MTSS1: variants seen among roughly 807,000 people sequenced by gnomAD.
The protein encoded by MTSS1 is protein MTSS 1.
A neutral mutation model predicts 79.0 loss-of-function variants in MTSS1; 18 were observed. The observed-to-expected ratio is 0.23, with a 90% CI of 0.16 to 0.34. MTSS1 has a LOEUF of 0.34. Among genes scored for constraint, MTSS1 ranks in the 10% least tolerant of loss-of-function variants. The pLI is 1.00. For missense variants in MTSS1, 815 were observed against 986.2 expected (o/e 0.83, Z 2.33); for synonymous variants, 341 against 368.6 (o/e 0.93, Z 0.86).
intron 3 of MTSS1, among the ~76,000 whole-genome samples, chr8:124,625,952 G>C (rs2133681966): frequency 6.6e-6 from 1 of 152,286 alleles, no homozygotes; most frequent in East Asian, 1.9e-4. Context: ...CAAATTTTCT[G>C]TAGGCTGTGA....
At chr8:124,725,555 C>T (rs531783350) in intron 1 of MTSS1, among the ~76,000 whole-genome samples, 5 of 152,198 alleles carry the variant, frequency 3.3e-5, no homozygotes, top group East Asian at 3.9e-4. Context: ...TTACGCTTTT[C>T]CCTCAGAGCA....
intron 3 of MTSS1, among the ~76,000 whole-genome samples, chr8:124,698,325 A>G (rs1330443189): frequency 1.3e-5 from 2 of 152,074 alleles, no homozygotes; most frequent in African/African-American, 4.8e-5. Flanking sequence ...CAAATTTTCC[A>G]ATGTCACCAC....
At chr8:124,705,088 C>T (rs1333596298) in intron 1 of MTSS1, among the ~76,000 whole-genome samples, 4 of 152,174 alleles carry the variant, frequency 2.6e-5, no homozygotes, top group Admixed American at 2.6e-4. Flanking sequence ...TAAGATCACA[C>T]AGCCCACCAA....
At chr8:124,725,260 G>C (rs1011913161) in intron 1 of MTSS1, among the ~76,000 whole-genome samples, 1 of 152,182 alleles carries the variant, frequency 6.6e-6, no homozygotes, top group Non-Finnish European at 1.5e-5. Context: ...AGCATCTTTA[G>C]AGGAAAGCAC....
intron 3 of MTSS1, among the ~76,000 whole-genome samples, chr8:124,672,421 G>C (rs560894830): frequency 6.6e-6 from 1 of 151,748 alleles, no homozygotes. Flanking sequence ...TTGAACCCGG[G>C]AGATGGAGGT....
chr8:124,632,298 A>AAAAAG (rs1563900752), intron 3 of MTSS1, among the ~76,000 whole-genome samples: 1 of 149,272 alleles, frequency 6.7e-6, no homozygotes, highest in Non-Finnish European at 1.5e-5. Flanking sequence ...AAAAAAAAAA[A>AAAAAG]GGTAAGGAAC....
chr8:124,577,533 G>A lies in MTSS1; in HGVS notation c.460+7554C>T, dbSNP rs552648156. Reference sequence around the variant, plus strand: ...ATTACAGGCATGAGCCACTGTGCCCGGCCTTGGAGGAGATTTCTGAGTTAA... The same window carrying A: ...ATTACAGGCATGAGCCACTGTGCCCAGCCTTGGAGGAGATTTCTGAGTTAA... On this transcript the variant is annotated intron_variant, in intron 6 of 13. Coordinates refer to ENST00000518547, the MANE Select transcript of MTSS1 (RefSeq NM_014751.6). The A allele has an allele frequency of 1.2e-4, 63 of 516,448 alleles. No homozygotes were observed. In the East Asian group the frequency reaches 2.2e-3, roughly 18 times the overall value. The allele number at this position is 516,448 out of a possible 1,614,324, so 32.0% of individuals were successfully genotyped here.
intron 3 of MTSS1, among the ~76,000 whole-genome samples, chr8:124,670,296 G>A (rs1261935433): frequency 1.3e-5 from 2 of 152,118 alleles, no homozygotes; most frequent in East Asian, 1.9e-4. Flanking sequence ...GTGATCCTGG[G>A]ATGGAAAGGA....
At position 124,553,351 on chromosome 8, in the gene MTSS1, G is replaced by T; in HGVS notation, c.1909C>A (p.Pro637Thr). The change falls in exon 14 of 14, where the codon CCA (proline) becomes ACA (threonine). Residue 637 changes from proline to threonine, a missense_variant. Pro to Thr is a conservative substitution (Grantham distance 38, BLOSUM62 -1). Coordinates refer to ENST00000518547, the MANE Select transcript of MTSS1 (RefSeq NM_014751.6). This position sits in a 1 kb window ranked among gnomAD's most constrained non-coding sequence, Gnocchi z 6.0. ...PGVLPAPPDGPEERGEHSPES... is the reference protein window; with the variant it reads ...PGVLPAPPDGTEERGEHSPES... ...GGGCTGTGCTCCCCCCGCTCTTCTG[G>T]CCCATCTGGAGGGGCTGGCAACACC... The T allele has an allele frequency of 2.5e-6, 4 of 1,612,948 alleles. No homozygotes were observed. The highest frequency in any genetic ancestry group is 3.4e-6 in the Non-Finnish European group (4 of 1,179,048).
At chr8:124,602,207 A>ATATATATATATATATAT in intron 3 of MTSS1, among the ~76,000 whole-genome samples, 6 of 142,206 alleles carry the variant, frequency 4.2e-5, no homozygotes, top group Admixed American at 1.4e-4. Flanking sequence ...ATATATATAT[A>ATATATATATATATATAT]ATTTTTTTTT....
At chr8:124,698,471 T>C (rs2088616676) in intron 3 of MTSS1, among the ~76,000 whole-genome samples, 1 of 151,954 alleles carries the variant, frequency 6.6e-6, no homozygotes, top group Non-Finnish European at 1.5e-5. Context: ...ATAGGGTAAT[T>C]GTCTGTTACT....
At chr8:124,687,386 G>C (rs1322296579) in intron 3 of MTSS1, among the ~76,000 whole-genome samples, 12 of 152,052 alleles carry the variant, frequency 7.9e-5, no homozygotes, top group Non-Finnish European at 1.2e-4. Context: ...TCTTGCACTT[G>C]GGCTTAAATC....
rs186080871 is a variant in MTSS1, at chr8:124,603,145, C to A, written c.209-11910G>T. On this transcript the variant is annotated intron_variant, in intron 3 of 13. Transcript: ENST00000518547. ...GGTTCAAGCAATTCTCCTGCCTCAG[C>A]CTCCCAAGTATCTGGGATTACAGGC... Among the ~76,000 whole-genome samples the A allele has an allele frequency of 2.6e-3, 398 of 152,364 alleles. 2 individuals are homozygous for A. Among genetic ancestry groups the A allele is most frequent in the African/African-American group, 9.1e-3 (380 of 41,582 alleles).
At position 124,557,725 on chromosome 8, in the gene MTSS1, T is replaced by G. The variant is rs1003072715; in HGVS notation, c.1186A>C (p.Ile396Leu). Residue 396 changes from isoleucine to leucine, a missense_variant, in exon 11 of 14, where the codon ATT becomes CTT. This residue lies in a region of MTSS1 where 590 missense variants were observed against 620.8 expected (regional missense o/e 0.95). Coordinates refer to ENST00000518547, the MANE Select transcript of MTSS1 (RefSeq NM_014751.6). The part of the protein sequence containing the change: ...HLPDYAHYYT[I>L]GPGMFPSSQI... ...GATGACGGGAACATGCCGGGCCCAA[T>G]GGTGTAATAATGAGCGTAGTCTGGA... 8.1e-6 allele frequency: 13 copies of G among 1,598,226 alleles called. No homozygotes were observed. Among genetic ancestry groups the G allele is most frequent in the Non-Finnish European group, 1.1e-5 (13 of 1,172,604 alleles).
At chr8:124,566,843 A>G (rs940773659) in intron 8 of MTSS1, among the ~76,000 whole-genome samples, 3 of 152,334 alleles carry the variant, frequency 2.0e-5, no homozygotes, top group Admixed American at 2.0e-4. Flanking sequence ...AAGCATAATC[A>G]TGAAGATGAA....
chr8:124,576,256 T>C (rs1828933860), intron 6 of MTSS1, among the ~76,000 whole-genome samples: 1 of 152,196 alleles, frequency 6.6e-6, no homozygotes, highest in African/African-American at 2.4e-5. Context: ...TTCTAGAGAA[T>C]TATTAAACTT....
intron 5 of MTSS1, among the ~76,000 whole-genome samples, chr8:124,586,551 G>A (rs1002037204): frequency 6.6e-6 from 1 of 152,138 alleles, no homozygotes; most frequent in Non-Finnish European, 1.5e-5. Context: ...AGCTCCCCAG[G>A]GGACGCAGCA....
At chr8:124,603,960 T>TA (rs1294088084) in intron 3 of MTSS1, among the ~76,000 whole-genome samples, 1 of 151,984 alleles carries the variant, frequency 6.6e-6, no homozygotes, top group African/African-American at 2.4e-5. Flanking sequence ...GCTGATGAGC[T>TA]AAAAAAACAA....
intron 3 of MTSS1, among the ~76,000 whole-genome samples, chr8:124,678,180 G>A (rs1037823701): frequency 2.0e-5 from 3 of 152,066 alleles, no homozygotes; most frequent in Non-Finnish European, 2.9e-5. Context: ...TTTGGCCAGT[G>A]GATAGTATAC....
Sources: gnomAD v4.1 joint callset for allele counts (sites outside exome capture counted in the v4.1 genomes callset) on GRCh38, gnomAD v4.1.1 for gene constraint, gnomAD v4.1.1 regional missense constraint, Gnocchi (gnomAD v3.1) non-coding constraint, MANE v1.5 for transcripts, NCBI Gene and HGNC (gene_info 2026-07-23, HGNC 2026-07-21) for gene names.